Variants in DNAH1 observed in about 807,000 individuals in gnomAD.
DNAH1 encodes dynein axonemal heavy chain 1.
In DNAH1, 327 loss-of-function variants were observed where a neutral mutation model predicts 484.3. The ratio of observed to expected loss-of-function variants is 0.68; its 90% CI spans 0.62 to 0.74. DNAH1 has a LOEUF of 0.74. Ranked by LOEUF, DNAH1 falls within the 30% of genes least tolerant of loss-of-function variation. The probability of loss-of-function intolerance (pLI) is 0.00; values close to 1 mark genes in which losing one functional copy is unlikely to be tolerated. For missense variants in DNAH1, 5,052 were observed against 5,546.8 expected (o/e 0.91, Z 2.83); for synonymous variants, 2,192 against 2,191.9 (o/e 1.00, Z 0.00).
intron 63 of DNAH1, among the ~76,000 whole-genome samples, chr3:52,391,992 C>T (rs1179482160): frequency 1.3e-5 from 2 of 152,210 alleles, no homozygotes; most frequent in African/African-American, 4.8e-5. Flanking sequence ...AAATGCCCTG[C>T]TTCTTATCCT....
intron 74 of DNAH1, 68 bp from the exon 75 acceptor site, chr3:52,397,963 TG>T: frequency 6.3e-7 from 1 of 1,585,370 alleles, no homozygotes; most frequent in Non-Finnish European, 8.6e-7. Context: ...AGGACCCCTA[TG>T]CATGTGGAAT....
At position 52,379,923 on chromosome 3, in the gene DNAH1, C is replaced by T. The variant is rs957192627; in HGVS notation, c.7396C>T (p.Arg2466Ter). Residue 2466 changes from arginine to a stop codon, truncating the protein, a stop_gained, in exon 48 of 78, where the codon CGA becomes TGA. Coordinates refer to ENST00000420323, the MANE Select transcript of DNAH1 (RefSeq NM_015512.5). LOFTEE classifies it high-confidence loss of function. This position sits in a 1 kb window ranked among gnomAD's most constrained non-coding sequence, Gnocchi z 4.4. Reference protein sequence around the residue: ...AKVEDQVQLLRLWYHENCRVF... With the variant: ...AKVEDQVQLL Reference sequence around the variant, plus strand: ...ACTGCAGGACCAAGTGCAGCTGCTGCGACTGTGGTATCACGAGAACTGCCG... The same window carrying T: ...ACTGCAGGACCAAGTGCAGCTGCTGTGACTGTGGTATCACGAGAACTGCCG... 1.3e-6 allele frequency: 2 copies of T among 1,566,262 alleles called. No individual in the cohort carries two copies. Among genetic ancestry groups the T allele is most frequent in the Non-Finnish European group, 1.7e-6 (2 of 1,155,926 alleles).
rs1025540031 is a variant in DNAH1 at position 52,355,870 on chromosome 3, G to A, written c.3694-744G>A. ...AGGGGTTCCCACCGAGGCCATTGTC[G>A]GTGCCTCTTTCAGAGTCCACTACAC... On this transcript the variant is annotated intron_variant, in intron 21 of 77. Transcript: ENST00000420323. The surrounding 1 kb of genome is among the most constrained non-coding windows in gnomAD (Gnocchi z 4.5). 5.3e-5 allele frequency among the ~76,000 whole-genome samples: 8 copies of A among 152,196 alleles called. No individual in the cohort carries two copies. The highest frequency in any genetic ancestry group is 1.9e-4 in the African/African-American group (8 of 41,456).
At chr3:52,320,783 T>TTTTC (rs1041838126) in intron 1 of DNAH1, among the ~76,000 whole-genome samples, 2 of 151,132 alleles carry the variant, frequency 1.3e-5, no homozygotes, top group Non-Finnish European at 2.9e-5. Flanking sequence ...GATGCTTTCC[T>TTTTC]TTTCTTTCTT....
intron 26 of DNAH1, 28 bp downstream of exon 26, chr3:52,359,414 C>G: frequency 6.4e-7 from 1 of 1,558,528 alleles, no homozygotes; most frequent in African/African-American, 1.4e-5. Context: ...CCCTGTCTGT[C>G]CCCCTCCACC....
chr3:52,390,329 G>A (rs1190984615), intron 60 of DNAH1, among the ~76,000 whole-genome samples: 1 of 152,008 alleles, frequency 6.6e-6, no homozygotes, highest in Non-Finnish European at 1.5e-5. Context: ...ACCAGGCATG[G>A]TCGTGCATGC....
chr3:52,384,172 G>A lies in DNAH1; in HGVS notation c.8322+141G>A. 3.3e-6 allele frequency: 3 copies of A among 920,452 alleles called. No individual in the cohort carries two copies. The South Asian group carries it at 5.5e-5, about 17-fold the overall frequency. 57.0% of individuals were successfully genotyped at this position (920,452 alleles called of 1,614,324 possible). A position where few individuals can be genotyped will look rare whatever the true frequency, so the allele number is the denominator to read the frequency against. On this transcript the variant is annotated intron_variant, in intron 52 of 77. Transcript: ENST00000420323. Reference sequence around the variant, plus strand: ...TGGTCAGGCTGTGTTTCCTGTCTAAGCCTCCATTTCCTCATCTGTAAATGC... The same window carrying A: ...TGGTCAGGCTGTGTTTCCTGTCTAAACCTCCATTTCCTCATCTGTAAATGC...
chr3:52,351,466 C>A (rs996854392), intron 16 of DNAH1, among the ~76,000 whole-genome samples: 1 of 152,220 alleles, frequency 6.6e-6, no homozygotes, highest in Non-Finnish European at 1.5e-5. Context: ...GGGGAACTCC[C>A]CCACGACCAG....
chr3:52,361,117 T>G lies in DNAH1; in HGVS notation c.4686-47T>G. 3.6e-6 allele frequency: 5 copies of G among 1,389,068 alleles called. No homozygotes were observed. Among genetic ancestry groups the G allele is most frequent in the East Asian group, 2.7e-5 (1 of 36,460 alleles). The allele number at this position is 1,389,068 out of a possible 1,614,324, so 86.0% of individuals were successfully genotyped here. A position where few individuals can be genotyped will look rare whatever the true frequency, so the allele number is the denominator to read the frequency against. On this transcript the variant is annotated intron_variant, in intron 28 of 77. Coordinates refer to ENST00000420323, the MANE Select transcript of DNAH1 (RefSeq NM_015512.5). The surrounding 1 kb of genome is among the most constrained non-coding windows in gnomAD (Gnocchi z 5.6). ...CAGGAAATTCCAAGGAAAGGGGGAG[T>G]GTCCAGGCCATGTGCGGCCCGAGCC...
Position 52,361,386 on chromosome 3 carries a change from G to T in DNAH1, c.4874+34G>T, listed in dbSNP as rs930519403. The T allele has an allele frequency of 6.6e-7, 1 of 1,525,260 alleles. No individual in the cohort carries two copies. The highest frequency in any genetic ancestry group is 1.3e-5 in the South Asian group (1 of 79,424). The allele number at this position is 1,525,260 out of a possible 1,614,324, so 94.5% of individuals were successfully genotyped here. On this transcript the variant is annotated intron_variant, in intron 29 of 77. Transcript: ENST00000420323. This position sits in a 1 kb window ranked among gnomAD's most constrained non-coding sequence, Gnocchi z 5.6. ...GGGCATGAGCGTGGCACAGGATGGGGTGGGACAGCCTAGCTCTCCTTGGGG... is the reference window on the plus strand; with the variant it reads ...GGGCATGAGCGTGGCACAGGATGGGTTGGGACAGCCTAGCTCTCCTTGGGG...
chr3:52,365,803 G>A (rs1703048798), intron 34 of DNAH1, among the ~76,000 whole-genome samples: 1 of 152,158 alleles, frequency 6.6e-6, no homozygotes, highest in African/African-American at 2.4e-5. Flanking sequence ...TCCATGTGCA[G>A]CTCGAATGCT....
Position 52,396,549 on chromosome 3 carries a change from C to T in DNAH1, c.11430+11C>T, listed in dbSNP as rs753786659. The T allele has an allele frequency of 6.2e-7, 1 of 1,612,894 alleles. No individual in the cohort carries two copies. Among genetic ancestry groups the T allele is most frequent in the Admixed American group, 1.7e-5 (1 of 59,886 alleles). On this transcript the variant is annotated intron_variant, in intron 71 of 77. Coordinates refer to ENST00000420323, the MANE Select transcript of DNAH1 (RefSeq NM_015512.5). Reference sequence around the variant, plus strand: ...AACTCCTGCCACAAGGTGAGGCACACTTGGTGCAGGCCTACCCTACCTGCC... The same window carrying T: ...AACTCCTGCCACAAGGTGAGGCACATTTGGTGCAGGCCTACCCTACCTGCC...
chr3:52,388,018 T>C (rs1704183896), intron 56 of DNAH1, 149 bp from the exon 57 acceptor site: 1 of 1,040,546 alleles, frequency 9.6e-7, no homozygotes, highest in African/African-American at 1.6e-5. Flanking sequence ...TTCTGGGCTA[T>C]GTTGTTCCTT....
At position 52,379,988 on chromosome 3, in the gene DNAH1, C is replaced by T; in HGVS notation, c.7461C>T (p.Ser2487=). ...RDRLVNEEDR[S]WFDQLLKRCM... ...GACTGGTGAATGAGGAGGACCGCAG[C>T]TGGTTCGACCAGCTCCTCAAGCGCT... Residue 2487 remains serine, a synonymous_variant, in exon 48 of 78, where the codon AGC becomes AGT. Transcript: ENST00000420323. The surrounding 1 kb of genome is among the most constrained non-coding windows in gnomAD (Gnocchi z 4.4). 2 of 1,588,790 alleles carry T rather than the reference C, an allele frequency of 1.3e-6. No individual in the cohort carries two copies. The highest frequency in any genetic ancestry group is 2.3e-5 in the South Asian group (2 of 86,886).
At chr3:52,332,084 T>C in intron 7 of DNAH1, 58 bp from the exon 8 acceptor site, 1 of 1,522,408 alleles carries the variant, frequency 6.6e-7, no homozygotes, top group Non-Finnish European at 8.9e-7. Flanking sequence ...CGGAACCTAG[T>C]GTTTCAGCCC....
chr3:52,378,158 G>A (rs956841917), intron 46 of DNAH1, among the ~76,000 whole-genome samples: 1 of 152,054 alleles, frequency 6.6e-6, no homozygotes, highest in African/African-American at 2.4e-5. Context: ...CGAAGTGGGT[G>A]GTAAGCCCTC....
At chr3:52,375,511 G>A (rs1422672472) in intron 45 of DNAH1, 98 bp downstream of exon 45, 1 of 1,377,524 alleles carries the variant, frequency 7.3e-7, no homozygotes, top group Admixed American at 2.1e-5. Flanking sequence ...GGGTGGAGTG[G>A]CCAAACCATG....
At position 52,362,127 on chromosome 3, in the gene DNAH1, G is replaced by A. The variant is rs1194371288; in HGVS notation, c.4981-261G>A. The stretch of plus-strand genomic sequence containing the variant: ...GAGCTTGGCTGGAGCTGGGGAATTG[G>A]GGGTGGAGCGAGTGGGAAGCAGGAG... On this transcript the variant is annotated intron_variant, in intron 30 of 77. Coordinates refer to ENST00000420323, the MANE Select transcript of DNAH1 (RefSeq NM_015512.5). This position sits in a 1 kb window ranked among gnomAD's most constrained non-coding sequence, Gnocchi z 5.1. Among the ~76,000 whole-genome samples the A allele has an allele frequency of 2.0e-5, 3 of 152,228 alleles. No homozygotes were observed. The highest frequency in any genetic ancestry group is 4.8e-5 in the African/African-American group (2 of 41,448).
chr3:52,369,435 G>A (rs775927850), intron 37 of DNAH1, among the ~76,000 whole-genome samples: 4 of 152,200 alleles, frequency 2.6e-5, no homozygotes, highest in Non-Finnish European at 5.9e-5. Flanking sequence ...TCTACACTGA[G>A]TCCAGCTCTT....
Sources: gnomAD v4.1 joint callset for allele counts (sites outside exome capture counted in the v4.1 genomes callset) on GRCh38, gnomAD v4.1.1 for gene constraint, Gnocchi (gnomAD v3.1) non-coding constraint, MANE v1.5 for transcripts, NCBI Gene and HGNC (gene_info 2026-07-23, HGNC 2026-07-21) for gene names.